The following ITIH5 variants were observed in gnomAD, a reference collection of about 807,000 sequenced individuals.
ITIH5 encodes inter-alpha-trypsin inhibitor heavy chain 5, also known as inter-alpha-trypsin inhibitor heavy chain H5.
ITIH5 carries 65 observed loss-of-function variants against 77.5 expected under a neutral mutation model. The observed-to-expected ratio is 0.84, with a 90% CI of 0.69 to 1.03. The LOEUF (loss-of-function observed/expected upper bound fraction) is 1.03, where lower values mean the gene tolerates loss of function less well. ITIH5 is among the 50% of genes least tolerant of loss of function. The pLI, the probability that ITIH5 is intolerant of heterozygous loss-of-function variation, is 0.00. For missense variants in ITIH5, 1,208 were observed against 1,213.1 expected, an observed-to-expected ratio of 1.00 and a Z score of 0.06; for synonymous variants, 525 against 494.3, an observed-to-expected ratio of 1.06 and a Z score of -0.82.
intron 6 of ITIH5, 51 bp downstream of exon 6, chr10:7,617,062 T>G (rs779406116): frequency 8.3e-7 from 1 of 1,211,276 alleles, no homozygotes; most frequent in East Asian, 2.7e-5. Flanking sequence ...AGTATGAGTC[T>G]GTCCAAAGTA....
At chr10:7,628,959 G>A (rs200340769) in intron 5 of ITIH5, among the ~76,000 whole-genome samples, 374 of 88,032 alleles carry the variant, frequency 4.2e-3, no homozygotes, top group African/African-American at 0.01. Flanking sequence ...TGTAGCGTGT[G>A]TCCGTGTTGT....
chr10:7,576,407 C>G (rs890523322), intron 10 of ITIH5, 46 bp downstream of exon 10: 2 of 1,450,558 alleles, frequency 1.4e-6, no homozygotes, highest in Non-Finnish European at 1.8e-6. Flanking sequence ...TGAGTGGTAT[C>G]TCAGGCCCGC....
At chr10:7,625,841 T>C (rs76856450) in intron 5 of ITIH5, among the ~76,000 whole-genome samples, 4,187 of 152,166 alleles carry the variant, frequency 0.028, 96 homozygotes, top group Middle Eastern at 0.054. Flanking sequence ...ATTGTGTGCT[T>C]TTTATCACAA....
chr10:7,574,514 C>T (rs972551129), intron 10 of ITIH5, among the ~76,000 whole-genome samples: 1 of 152,118 alleles, frequency 6.6e-6, no homozygotes, highest in African/African-American at 2.4e-5. Flanking sequence ...AAAAAACCGG[C>T]CGGGCGCAGT....
intron 8 of ITIH5, among the ~76,000 whole-genome samples, chr10:7,580,310 G>A (rs1476872064): frequency 6.6e-6 from 1 of 152,106 alleles, no homozygotes; most frequent in Non-Finnish European, 1.5e-5. Flanking sequence ...TAGTAGAGAT[G>A]GGATTGACCA....
chr10:7,644,854 TATGTATCAC>T (rs1463591372), intron 2 of ITIH5, among the ~76,000 whole-genome samples: 12 of 135,258 alleles, frequency 8.9e-5, no homozygotes, highest in Admixed American at 2.3e-4. Context: ...ATATATCACA[TATGTATCAC>T]ATATATATCA....
intron 5 of ITIH5, among the ~76,000 whole-genome samples, chr10:7,634,118 A>C (rs747869881): frequency 7.7e-4 from 117 of 151,886 alleles, no homozygotes; most frequent in Non-Finnish European, 9.1e-4. Flanking sequence ...AAGGAAAGAA[A>C]AGAGAAAGAA....
At chr10:7,564,636 G>A (rs1832103306) in intron 13 of ITIH5, among the ~76,000 whole-genome samples, 1 of 151,898 alleles carries the variant, frequency 6.6e-6, no homozygotes, top group African/African-American at 2.4e-5. Flanking sequence ...TTTGTGTAAG[G>A]ATATTCTAGA....
chr10:7,574,783 A>G (rs1329894000), intron 10 of ITIH5, among the ~76,000 whole-genome samples: 1 of 126,646 alleles, frequency 7.9e-6, no homozygotes, highest in Admixed American at 9.0e-5. Context: ...AAAGAGCGAG[A>G]CTCCATCTCG....
At chr10:7,632,452 A>G (rs1238389076) in intron 5 of ITIH5, among the ~76,000 whole-genome samples, 2 of 152,228 alleles carry the variant, frequency 1.3e-5, no homozygotes, top group African/African-American at 4.8e-5. Flanking sequence ...CAGTGTGTAA[A>G]TTAAACTTCC....
intron 2 of ITIH5, among the ~76,000 whole-genome samples, chr10:7,648,695 G>T (rs1036910941): frequency 3.3e-5 from 5 of 152,188 alleles, no homozygotes; most frequent in African/African-American, 9.6e-5. Flanking sequence ...GTATGCTTGA[G>T]AATATTTTTA....
Position 7,563,258 on chromosome 10 carries a change from T to C in ITIH5, c.2654A>G (p.Gln885Arg), listed in dbSNP as rs1564229542. Residue 885 changes from glutamine (Q) to arginine (R), a missense_variant, in exon 14 of 14, where the codon CAA becomes CGA. Gln to Arg is a conservative substitution (Grantham distance 43). Coordinates refer to ENST00000397146, the MANE Select transcript of ITIH5 (RefSeq NM_030569.7). The part of the protein sequence containing the change: ...PEAVLTVKGH[Q>R]VPVVWKQRKI... ...CCTTTGCTTCCAGACCACTGGGACT[T>C]GGTGGCCTTTCACTGTTAGGACGGC... 1.2e-6 allele frequency: 2 copies of C among 1,614,116 alleles called. No individual in the cohort carries two copies. Among genetic ancestry groups the C allele is most frequent in the Admixed American group, 1.7e-5 (1 of 60,008 alleles).
chr10:7,641,860 T>C, intron 3 of ITIH5, 67 bp downstream of exon 3: 6 of 1,379,294 alleles, frequency 4.4e-6, no homozygotes, highest in Non-Finnish European at 5.1e-6. Flanking sequence ...GCTGTGGACC[T>C]CACATCTCAG....
intron 9 of ITIH5, among the ~76,000 whole-genome samples, chr10:7,577,503 T>TA (rs1295939697): frequency 5.3e-5 from 8 of 152,252 alleles, no homozygotes; most frequent in African/African-American, 1.4e-4. Flanking sequence ...TGTGTACACT[T>TA]ACGTTTCTTA....
intron 10 of ITIH5, among the ~76,000 whole-genome samples, chr10:7,576,034 G>GT (rs1039678503): frequency 2.0e-5 from 3 of 152,038 alleles, no homozygotes; most frequent in South Asian, 2.1e-4. Flanking sequence ...TTGGTTGGTT[G>GT]TTTTTTTAGA....
intron 7 of ITIH5, among the ~76,000 whole-genome samples, chr10:7,612,204 G>T (rs1833260330): frequency 6.6e-6 from 1 of 152,148 alleles, no homozygotes; most frequent in South Asian, 2.1e-4. Context: ...AAATGGAAAT[G>T]GCTGAAAAGT....
chr10:7,590,197 C>T (rs949665756), intron 7 of ITIH5, among the ~76,000 whole-genome samples: 2 of 152,220 alleles, frequency 1.3e-5, no homozygotes, highest in African/African-American at 2.4e-5. Context: ...CTCTCTGTCC[C>T]GGGACAGAGG....
chr10:7,594,442 C>A (rs977984750), intron 7 of ITIH5, among the ~76,000 whole-genome samples: 5 of 152,068 alleles, frequency 3.3e-5, no homozygotes, highest in African/African-American at 1.2e-4. Flanking sequence ...GAGACAGGTA[C>A]CCCCAAAACA....
rs142992412 is a variant in ITIH5 at position 7,581,721 on chromosome 10, C to CTTTTT, written c.1109-1662_1109-1658dup. On this transcript the variant is annotated intron_variant, in intron 8 of 13. Transcript: ENST00000397146. ...TCCCATGTTTTCTTTTCTTTTCCTT[C>CTTTTT]TTTTTTTTTTTTTTTTTTTTTTTAG... is the stretch of plus-strand genomic sequence containing the variant. Among the ~76,000 whole-genome samples, 95 of 101,716 alleles carry CTTTTT rather than the reference C, an allele frequency of 9.3e-4. 2 individuals are homozygous for CTTTTT. The highest frequency in any genetic ancestry group is 2.2e-3 in the Admixed American group (17 of 7,622). 66.7% of individuals were successfully genotyped at this position (101,716 alleles called of 152,430 possible). A position where few individuals can be genotyped will look rare whatever the true frequency, so the allele number is the denominator to read the frequency against.
Sources: allele counts gnomAD v4.1 joint callset (sites outside exome capture counted in the v4.1 genomes callset), GRCh38; gene constraint gnomAD v4.1.1; transcripts MANE v1.5; gene names NCBI Gene and HGNC (gene_info 2026-07-23, HGNC 2026-07-21).